The following NT5E variants were observed in gnomAD, a reference collection of about 807,000 sequenced individuals.
NT5E encodes 5'-nucleotidase ecto, also known as 5'-nucleotidase.
In NT5E, 53 loss-of-function variants were observed where a neutral mutation model predicts 55.1. The observed-to-expected ratio is 0.96, with a 90% CI of 0.77 to 1.21. NT5E has a LOEUF of 1.21. Ranked by LOEUF, NT5E falls within the 50% of genes most tolerant of loss-of-function variation. The pLI is 0.00. For synonymous variants in NT5E, 270 were observed against 278.4 expected, an observed-to-expected ratio of 0.97 and a Z score of 0.30; for missense variants, 683 against 724.3, an observed-to-expected ratio of 0.94 and a Z score of 0.65.
At chr6:85,490,091 C>T (rs1236878065) in intron 6 of NT5E, among the ~76,000 whole-genome samples, 1 of 152,210 alleles carries the variant, frequency 6.6e-6, no homozygotes, top group Non-Finnish European at 1.5e-5. Context: ...TGTAGCCCTC[C>T]CTGATTTACT....
chr6:85,492,185 T>G lies in NT5E; in HGVS notation c.1561+8T>G. 1 of 1,613,200 alleles carries G rather than the reference T, an allele frequency of 6.2e-7. No individual in the cohort carries two copies. Among genetic ancestry groups the G allele is most frequent in the Non-Finnish European group, 8.5e-7 (1 of 1,179,200 alleles). On this transcript the variant is annotated splice_region_variant and intron_variant, in intron 8 of 8. Transcript: ENST00000257770. ...TATTAAGACATGACTCTGGTAAGCA[T>G]GACTGTCTCTTCCTTTCTCTAAAGA...
chr6:85,488,416 CATGCAGTCA>C (rs1259896297), intron 5 of NT5E, among the ~76,000 whole-genome samples: 5 of 152,164 alleles, frequency 3.3e-5, no homozygotes, highest in Admixed American at 6.5e-5. Flanking sequence ...TCCTCAGCAT[CATGCAGTCA>C]ATGCCAGAGA....
chr6:85,455,934 T>G (rs1768981133), intron 1 of NT5E, among the ~76,000 whole-genome samples: 1 of 152,172 alleles, frequency 6.6e-6, no homozygotes, highest in Non-Finnish European at 1.5e-5. Context: ...TGTGCTTTTG[T>G]ATGCTAATGA....
chr6:85,492,202 C>G (rs944674496), intron 8 of NT5E, 25 bp downstream of exon 8: 5 of 1,609,566 alleles, frequency 3.1e-6, no homozygotes, highest in Non-Finnish European at 4.3e-6. Context: ...CTCTTCCTTT[C>G]TCTAAAGAAC....
Position 85,494,204 on chromosome 6 carries a change from C to A in NT5E, c.*200C>A. The A allele has an allele frequency of 1.7e-6, 1 of 602,444 alleles. No individual in the cohort carries two copies. The highest frequency in any genetic ancestry group is 2.9e-6 in the Non-Finnish European group (1 of 342,936). 37.3% of individuals were successfully genotyped at this position (602,444 alleles called of 1,614,324 possible). The stretch of plus-strand genomic sequence containing the variant: ...CCTAGTGAGTTAGAAAAAAAATTAA[C>A]ATAGGGCCCTATAAGGAGAAAGCCA... On this transcript the variant is annotated 3_prime_UTR_variant, in exon 9 of 9. Coordinates refer to ENST00000257770, the MANE Select transcript of NT5E (RefSeq NM_002526.4).
In NT5E at chr6:85,494,040, C is replaced by A. The variant is rs1769842265; in HGVS notation, c.*36C>A. The A allele has an allele frequency of 6.2e-7, 1 of 1,606,562 alleles. No homozygotes were observed. Among genetic ancestry groups the A allele is most frequent in the African/African-American group, 1.3e-5 (1 of 74,872 alleles). On this transcript the variant is annotated 3_prime_UTR_variant, in exon 9 of 9. Transcript: ENST00000257770. The stretch of plus-strand genomic sequence containing the variant: ...TCCTTGCCTTTAATGTGTGAAACTG[C>A]ATTTTTTCAAGTGAGATTCAAATCT...
chr6:85,473,182 G>T (rs1769353189), intron 3 of NT5E, among the ~76,000 whole-genome samples: 2 of 152,182 alleles, frequency 1.3e-5, no homozygotes, highest in Admixed American at 6.5e-5. Flanking sequence ...TCACTGGGAA[G>T]CACTGGGTAG....
In NT5E at chr6:85,464,277, A is replaced by G. The variant is rs182998315; in HGVS notation, c.340-2783A>G. 3.3e-5 allele frequency among the ~76,000 whole-genome samples: 5 copies of G among 152,218 alleles called. No homozygotes were observed. In the East Asian group the frequency reaches 9.6e-4, roughly 29 times the overall value. On this transcript the variant is annotated intron_variant, in intron 1 of 8. Transcript: ENST00000257770. ...TCAGTAAAATGAGTGCAGTAAGAGT[A>G]CCACCCTCACAGCATGAAATCAGAT...
intron 3 of NT5E, among the ~76,000 whole-genome samples, chr6:85,477,919 T>C (rs776415227): frequency 1.2e-4 from 18 of 151,444 alleles, no homozygotes; most frequent in Admixed American, 2.0e-4. Context: ...TCCAGTGCTT[T>C]GGGAGGCTGA....
chr6:85,493,243 CT>C (rs1024319578), intron 8 of NT5E, among the ~76,000 whole-genome samples: 9 of 152,218 alleles, frequency 5.9e-5, no homozygotes, highest in African/African-American at 1.9e-4. Context: ...GGGCTAAACT[CT>C]TTTTCAGTGA....
At chr6:85,453,045 C>G (rs1187115304) in intron 1 of NT5E, among the ~76,000 whole-genome samples, 1 of 152,138 alleles carries the variant, frequency 6.6e-6, no homozygotes, top group Admixed American at 6.5e-5. Flanking sequence ...CTTTCTAGAC[C>G]TACTGGAGTA....
At chr6:85,476,298 G>C (rs1207274806) in intron 3 of NT5E, among the ~76,000 whole-genome samples, 2 of 152,192 alleles carry the variant, frequency 1.3e-5, no homozygotes, top group Non-Finnish European at 2.9e-5. Context: ...ACTGAAATGG[G>C]ATAGTTCCCT....
intron 7 of NT5E, 100 bp from the exon 8 acceptor site, chr6:85,491,877 A>C: frequency 9.6e-7 from 1 of 1,043,224 alleles, no homozygotes; most frequent in Non-Finnish European, 1.5e-6. Context: ...CAAAGGAAAA[A>C]CCACAGCCCC....
At chr6:85,490,025 C>G (rs1003411236) in intron 6 of NT5E, among the ~76,000 whole-genome samples, 2 of 152,176 alleles carry the variant, frequency 1.3e-5, no homozygotes, top group African/African-American at 4.8e-5. Context: ...TTACAGATAT[C>G]CAAGATTATA....
intron 3 of NT5E, among the ~76,000 whole-genome samples, chr6:85,475,790 G>A (rs1769422317): frequency 6.6e-6 from 1 of 152,128 alleles, no homozygotes; most frequent in Non-Finnish European, 1.5e-5. Flanking sequence ...GTGAATATAA[G>A]CACCAGTTTC....
intron 1 of NT5E, among the ~76,000 whole-genome samples, chr6:85,455,715 G>C (rs188533281): frequency 1.7e-3 from 254 of 152,310 alleles, no homozygotes; most frequent in African/African-American, 5.8e-3. Context: ...CCTGAAGTCA[G>C]GGCAGTCTTG....
chr6:85,484,199 G>A (rs1769604476), intron 3 of NT5E, among the ~76,000 whole-genome samples: 3 of 152,236 alleles, frequency 2.0e-5, no homozygotes, highest in African/African-American at 7.2e-5. Flanking sequence ...CCATGGGTGT[G>A]ATGAGGGAGA....
At chr6:85,486,353 T>G (rs1234309233) in intron 4 of NT5E, among the ~76,000 whole-genome samples, 1 of 152,146 alleles carries the variant, frequency 6.6e-6, no homozygotes, top group Non-Finnish European at 1.5e-5. Flanking sequence ...AAATAATCCA[T>G]GGAAACAGGA....
chr6:85,456,438 G>A (rs563259271), intron 1 of NT5E, among the ~76,000 whole-genome samples: 2 of 152,326 alleles, frequency 1.3e-5, no homozygotes, highest in African/African-American at 4.8e-5. Context: ...CTCGACTGGT[G>A]TCTGAAGTGG....
Sources: gnomAD v4.1 joint callset for allele counts (sites outside exome capture counted in the v4.1 genomes callset) on GRCh38, gnomAD v4.1.1 for gene constraint, MANE v1.5 for transcripts, NCBI Gene and HGNC (gene_info 2026-07-23, HGNC 2026-07-21) for gene names.